MEGF11: variants seen among roughly 807,000 people sequenced by gnomAD.
MEGF11 encodes multiple epidermal growth factor-like domains protein 11.
MEGF11 carries 126 observed loss-of-function variants against 146.6 expected under a neutral mutation model. The observed-to-expected ratio is 0.86, with a 90% CI of 0.74 to 1.00. The LOEUF (loss-of-function observed/expected upper bound fraction) is 1.00, where lower values mean the gene tolerates loss of function less well. MEGF11 is among the 50% of genes least tolerant of loss of function. The pLI is 0.00. For missense variants in MEGF11, 1,509 were observed against 1,521.2 expected (o/e 0.99, Z 0.13); for synonymous variants, 532 against 583.4 (o/e 0.91, Z 1.27).
At chr15:66,008,411 G>GCGCACACACACACA (rs1188469509) in intron 5 of MEGF11, among the ~76,000 whole-genome samples, 5 of 52,056 alleles carry the variant, frequency 9.6e-5, no homozygotes, top group African/African-American at 2.4e-4. Flanking sequence ...ACGCGCGCGC[G>GCGCACACACACACA]CACACACACA....
intron 1 of MEGF11, among the ~76,000 whole-genome samples, chr15:66,171,489 G>A (rs1351739873): frequency 6.6e-6 from 1 of 152,142 alleles, no homozygotes; most frequent in Admixed American, 6.5e-5. Flanking sequence ...ACCCTACATG[G>A]GGCTGGGGAC....
chr15:66,106,354 G>A (rs968592671), intron 4 of MEGF11, among the ~76,000 whole-genome samples: 3 of 152,154 alleles, frequency 2.0e-5, no homozygotes, highest in African/African-American at 2.4e-5. Context: ...CAGAACATAC[G>A]GGTGCACACA....
At chr15:66,163,669 G>T (rs910656180) in intron 1 of MEGF11, among the ~76,000 whole-genome samples, 2 of 152,178 alleles carry the variant, frequency 1.3e-5, no homozygotes, top group Non-Finnish European at 2.9e-5. Context: ...CCTAATAGAG[G>T]ATTGTTCTGC....
chr15:65,903,760 T>C (rs1261418593), intron 24 of MEGF11, among the ~76,000 whole-genome samples: 2 of 152,232 alleles, frequency 1.3e-5, no homozygotes. Flanking sequence ...ATTAAGTGTT[T>C]ATTTCGGGGG....
intron 5 of MEGF11, among the ~76,000 whole-genome samples, chr15:66,077,150 C>A (rs1322018798): frequency 6.6e-6 from 1 of 152,200 alleles, no homozygotes; most frequent in Non-Finnish European, 1.5e-5. Context: ...CCCTGGCCCA[C>A]CAGTCCAGCC....
At chr15:66,107,495 G>A (rs946205686) in intron 4 of MEGF11, among the ~76,000 whole-genome samples, 7 of 152,178 alleles carry the variant, frequency 4.6e-5, no homozygotes, top group African/African-American at 1.7e-4. Flanking sequence ...CCTACGTCCT[G>A]GAAGCTCAGC....
intron 4 of MEGF11, among the ~76,000 whole-genome samples, chr15:66,116,162 G>A (rs935709982): frequency 6.6e-6 from 1 of 152,092 alleles, no homozygotes; most frequent in African/African-American, 2.4e-5. Context: ...CAACCCTCAA[G>A]GTGGAGCTCA....
At chr15:66,251,475 G>T (rs1009299783) in intron 1 of MEGF11, among the ~76,000 whole-genome samples, 1 of 152,182 alleles carries the variant, frequency 6.6e-6, no homozygotes, top group African/African-American at 2.4e-5. Context: ...TACCCCCAGA[G>T]CTCGGTGCAG....
chr15:65,996,481 A>G (rs902904089), intron 5 of MEGF11, among the ~76,000 whole-genome samples: 28 of 62,392 alleles, frequency 4.5e-4, no homozygotes, highest in African/African-American at 1.4e-3. Flanking sequence ...TCTCTAGCAC[A>G]CTTTTTTTTT....
intron 5 of MEGF11, among the ~76,000 whole-genome samples, chr15:66,062,482 G>A (rs2084944833): frequency 6.6e-6 from 1 of 152,182 alleles, no homozygotes; most frequent in Admixed American, 6.5e-5. Flanking sequence ...AGGAGGATGG[G>A]GCCCCAGTCT....
At chr15:66,233,611 A>G (rs779780833) in intron 1 of MEGF11, among the ~76,000 whole-genome samples, 26 of 152,132 alleles carry the variant, frequency 1.7e-4, no homozygotes, top group Non-Finnish European at 3.2e-4. Flanking sequence ...AAACTACCCA[A>G]AGTCACCACA....
chr15:66,165,249 T>A (rs972665245), intron 1 of MEGF11, among the ~76,000 whole-genome samples: 5 of 152,100 alleles, frequency 3.3e-5, no homozygotes, highest in African/African-American at 1.2e-4. Context: ...CAAAATCCCA[T>A]GACCCTGGGC....
At chr15:65,922,290 C>G (rs1258569151) in intron 15 of MEGF11, 48 bp downstream of exon 15, 18 of 1,588,696 alleles carry the variant, frequency 1.1e-5, no homozygotes, top group Admixed American at 1.8e-5. Flanking sequence ...ACTTTCCTCC[C>G]AGAACCTCTC....
chr15:65,957,606 G>T lies in MEGF11; in HGVS notation c.1228C>A (p.Gln410Lys). Residue 410 changes from glutamine (Q) to lysine (K), a missense_variant, in exon 10 of 26, where the codon CAG (glutamine) becomes AAG (lysine). By Grantham distance (53) the Gln-to-Lys change is moderately conservative. Coordinates refer to ENST00000395614, the MANE Select transcript of MEGF11 (RefSeq NM_001385028.1). ...ATGCTGTGGCAGTCGGCGCCATTCT[G>T]ACAGGTGCAAGGCAGCTGGCAGCCA... is the stretch of plus-strand genomic sequence containing the variant. ...GDGCQLPCTC[Q>K]NGADCHSITG... The T allele has an allele frequency of 6.2e-7, 1 of 1,613,976 alleles. No individual in the cohort carries two copies. Among genetic ancestry groups the T allele is most frequent in the Non-Finnish European group, 8.5e-7 (1 of 1,179,894 alleles).
intron 11 of MEGF11, among the ~76,000 whole-genome samples, 189 bp from the exon 12 acceptor site, chr15:65,930,072 A>T (rs1016530944): frequency 6.6e-6 from 1 of 152,152 alleles, no homozygotes; most frequent in African/African-American, 2.4e-5. Context: ...GCTAGAACCC[A>T]GGTCTCCTGC....
At chr15:66,217,528 G>T (rs552395929) in intron 1 of MEGF11, among the ~76,000 whole-genome samples, 127 of 152,346 alleles carry the variant, frequency 8.3e-4, no homozygotes, top group African/African-American at 2.9e-3. Context: ...TAAAGTGTGG[G>T]ACTTTCTTTG....
At chr15:66,225,379 T>A (rs993292176) in intron 1 of MEGF11, among the ~76,000 whole-genome samples, 10 of 152,220 alleles carry the variant, frequency 6.6e-5, no homozygotes, top group Admixed American at 6.5e-4. Flanking sequence ...AGAAAGGCAA[T>A]GGCTGAGGAT....
chr15:66,100,904 G>T (rs1462476950), intron 4 of MEGF11, among the ~76,000 whole-genome samples: 2 of 150,770 alleles, frequency 1.3e-5, no homozygotes, highest in East Asian at 3.9e-4. Context: ...GTGTGGGTGG[G>T]TGGGTGAGTG....
chr15:66,140,016 G>T (rs184612346), intron 1 of MEGF11, among the ~76,000 whole-genome samples: 1 of 152,110 alleles, frequency 6.6e-6, no homozygotes, highest in African/African-American at 2.4e-5. Flanking sequence ...CACACTCCCC[G>T]GTGCCAGTCA....
Sources: allele counts gnomAD v4.1 joint callset (sites outside exome capture counted in the v4.1 genomes callset), GRCh38; gene constraint gnomAD v4.1.1; transcripts MANE v1.5; gene names NCBI Gene and HGNC (gene_info 2026-07-23, HGNC 2026-07-21).